PTAR1: variants seen among roughly 807,000 people sequenced by gnomAD.
The protein encoded by PTAR1 is protein prenyltransferase alpha subunit repeat containing 1.
PTAR1 carries 17 observed loss-of-function variants against 45.5 expected under a neutral mutation model. That is an observed-to-expected ratio of 0.37 (90% CI 0.26 to 0.56). The LOEUF is 0.56. Among genes scored for constraint, PTAR1 ranks in the 20% least tolerant of loss-of-function variants. The probability of loss-of-function intolerance (pLI) is 0.77; values close to 1 mark genes in which losing one functional copy is unlikely to be tolerated. For synonymous variants in PTAR1, 169 were observed against 171.3 expected, an observed-to-expected ratio of 0.99 and a Z score of 0.11; for missense variants, 391 against 476.3, an observed-to-expected ratio of 0.82 and a Z score of 1.67.
At chr9:69,727,084 G>A (rs980204747) in intron 5 of PTAR1, among the ~76,000 whole-genome samples, 10 of 150,664 alleles carry the variant, frequency 6.6e-5, no homozygotes, top group Admixed American at 1.3e-4. Flanking sequence ...TACGATGTAC[G>A]ACATATTGTT....
intron 1 of PTAR1, chr9:69,758,115 G>C (rs897173697): frequency 6.6e-6 from 1 of 152,152 alleles, no homozygotes; most frequent in Non-Finnish European, 1.5e-5. Context: ...GGATTAGGGA[G>C]GGGCATTAAA....
At chr9:69,754,725 T>TCA (rs1564149674) in intron 1 of PTAR1, among the ~76,000 whole-genome samples, 1 of 146,456 alleles carries the variant, frequency 6.8e-6, no homozygotes, top group Non-Finnish European at 1.5e-5. Context: ...TATATATATT[T>TCA]TTTTTTTTTG....
At chr9:69,733,185 T>G (rs1245956146) in intron 4 of PTAR1, among the ~76,000 whole-genome samples, 1 of 152,142 alleles carries the variant, frequency 6.6e-6, no homozygotes, top group East Asian at 1.9e-4. Flanking sequence ...GGATGCATAT[T>G]TAACAGTTCC....
At chr9:69,726,875 G>A (rs1825308432) in intron 5 of PTAR1, among the ~76,000 whole-genome samples, 11 of 148,500 alleles carry the variant, frequency 7.4e-5, no homozygotes, top group Admixed American at 7.4e-4. Context: ...TGTCATATGT[G>A]TTATAAATAT....
At chr9:69,735,177 G>T (rs1055742379) in intron 3 of PTAR1, among the ~76,000 whole-genome samples, 1 of 152,126 alleles carries the variant, frequency 6.6e-6, no homozygotes, top group Non-Finnish European at 1.5e-5. Context: ...TGTTTTGGTT[G>T]TTTTTAAAAC....
Position 69,750,784 on chromosome 9 carries a change from C to A in PTAR1, c.253G>T (p.Asp85Tyr), listed in dbSNP as rs751981081. ...AGAAAATATGATTCATACTTACCATCTCTGTTCAGCCATTGCTTTCTTGTT... is the reference window on the plus strand; with the variant it reads ...AGAAAATATGATTCATACTTACCATATCTGTTCAGCCATTGCTTTCTTGTT... Reference protein sequence around the residue: ...YRTRKQWLNRDELIDVTCTLL... With the variant: ...YRTRKQWLNRYELIDVTCTLL... Residue 85 changes from aspartate (D) to tyrosine (Y), a missense_variant, in exon 2 of 8, where the codon GAT (aspartate) becomes TAT (tyrosine). Transcript: ENST00000340434. 10 of 1,604,804 alleles carry A rather than the reference C, an allele frequency of 6.2e-6. No homozygotes were observed. In the Admixed American group the frequency reaches 1.4e-4, roughly 22 times the overall value.
intron 1 of PTAR1, among the ~76,000 whole-genome samples, chr9:69,754,720 ATATT>A (rs1475320251): frequency 1.5e-4 from 4 of 26,596 alleles, no homozygotes; most frequent in African/African-American, 2.8e-4. Flanking sequence ...ATATATATAT[ATATT>A]TTTTTTTTTT....
chr9:69,747,586 C>T lies in PTAR1; in HGVS notation c.256+3195G>A, dbSNP rs182438467. Among the ~76,000 whole-genome samples the T allele has an allele frequency of 3.3e-5, 5 of 152,304 alleles. No homozygotes were observed. In the East Asian group the frequency reaches 7.7e-4, roughly 23 times the overall value. Reference sequence around the variant, plus strand: ...ATTTGACAAGAAGTATCAACTAACACTCTGCCGCAGTGTCTCAAGAGCTTG... The same window carrying T: ...ATTTGACAAGAAGTATCAACTAACATTCTGCCGCAGTGTCTCAAGAGCTTG... On this transcript the variant is annotated intron_variant, in intron 2 of 7. Coordinates refer to ENST00000340434, the MANE Select transcript of PTAR1 (RefSeq NM_001099666.2).
chr9:69,737,787 C>T (rs1419511786), intron 3 of PTAR1, among the ~76,000 whole-genome samples: 7 of 152,006 alleles, frequency 4.6e-5, no homozygotes, highest in African/African-American at 1.4e-4. Context: ...CATCATTGAG[C>T]CATATGAAAT....
At chr9:69,757,537 G>A (rs1404280883) in intron 1 of PTAR1, 1 of 152,182 alleles carries the variant, frequency 6.6e-6, no homozygotes, top group African/African-American at 2.4e-5. Flanking sequence ...ACATCATACA[G>A]TAACAAAATC....
intron 3 of PTAR1, among the ~76,000 whole-genome samples, chr9:69,736,812 G>A (rs2134124170): frequency 6.6e-6 from 1 of 152,128 alleles, no homozygotes; most frequent in East Asian, 1.9e-4. Context: ...GAAAAAAATG[G>A]GGACTCCGTT....
chr9:69,750,775 A>G lies in PTAR1; in HGVS notation c.256+6T>C, dbSNP rs545866722. On this transcript the variant is annotated splice_donor_region_variant and intron_variant, in intron 2 of 7. Transcript: ENST00000340434. ...ACCAAATGAAGAAAATATGATTCAT[A>G]CTTACCATCTCTGTTCAGCCATTGC... 1.9e-6 allele frequency: 3 copies of G among 1,598,704 alleles called. No individual in the cohort carries two copies. In the East Asian group the frequency reaches 6.7e-5, roughly 36 times the overall value.
At chr9:69,759,832 C>A in intron 1 of PTAR1, 21 bp downstream of exon 1, 1 of 1,512,766 alleles carries the variant, frequency 6.6e-7, no homozygotes, top group South Asian at 1.2e-5. Context: ...CCCTCGGAGG[C>A]GGCGGAGGCG....
At chr9:69,735,968 A>T (rs1254799557) in intron 3 of PTAR1, among the ~76,000 whole-genome samples, 2 of 149,710 alleles carry the variant, frequency 1.3e-5, no homozygotes, top group East Asian at 1.9e-4. Context: ...TAAAATATAT[A>T]TTTTTTTCTT....
chr9:69,749,556 C>T (rs1469645910), intron 2 of PTAR1, among the ~76,000 whole-genome samples: 1 of 152,056 alleles, frequency 6.6e-6, no homozygotes, highest in Non-Finnish European at 1.5e-5. Context: ...TAAACTTAGG[C>T]ACAGCCTTCT....
intron 3 of PTAR1, among the ~76,000 whole-genome samples, chr9:69,739,242 A>G (rs1166502051): frequency 6.6e-6 from 1 of 152,224 alleles, no homozygotes; most frequent in Non-Finnish European, 1.5e-5. Flanking sequence ...TCAATAGGCT[A>G]TGAGTTCAGA....
At chr9:69,742,259 A>G (rs1036143636) in intron 2 of PTAR1, among the ~76,000 whole-genome samples, 1 of 150,992 alleles carries the variant, frequency 6.6e-6, no homozygotes, top group South Asian at 2.1e-4. Context: ...GGAAAAAAAT[A>G]TCACTCAGAA....
rs774065991 is a variant in PTAR1 at position 69,759,983 on chromosome 9, G to T, written c.-45C>A. 5 of 1,413,280 alleles carry T rather than the reference G, an allele frequency of 3.5e-6. No homozygotes were observed. Among genetic ancestry groups the T allele is most frequent in the Middle Eastern group, 2.2e-4 (1 of 4,616 alleles). 87.5% of individuals were successfully genotyped at this position (1,413,280 alleles called of 1,614,324 possible). ...GTTCGGGCGCGCCTCCGCGTGAGCC[G>T]GGCCGCCGGCGGGAGTTCCGCGGAG... On this transcript the variant is annotated 5_prime_UTR_variant, in exon 1 of 8. Coordinates refer to ENST00000340434, the MANE Select transcript of PTAR1 (RefSeq NM_001099666.2).
Position 69,723,452 on chromosome 9 carries a change from T to C in PTAR1, c.821A>G (p.Asp274Gly). The C allele has an allele frequency of 1.2e-6, 2 of 1,613,910 alleles. No homozygotes were observed. The highest frequency in any genetic ancestry group is 2.2e-5 in the East Asian group (1 of 44,870). ...RSEPALVPPK[D>G]EEAAVSTEEP... ...TTCTGTTGAAACTGCTGCTTCTTCA[T>C]CTTTTGGAGGAACTAGGGCTGGCTC... The change falls in exon 6 of 8, where the codon GAT becomes GGT. Residue 274 changes from aspartate to glycine, a missense_variant. Transcript: ENST00000340434.
Sources: allele counts gnomAD v4.1 joint callset (sites outside exome capture counted in the v4.1 genomes callset), GRCh38; gene constraint gnomAD v4.1.1; transcripts MANE v1.5; gene names NCBI Gene and HGNC (gene_info 2026-07-23, HGNC 2026-07-21).